Variants in ITPRID1 observed in about 807,000 individuals in gnomAD.
ITPRID1 encodes ITPR interacting domain containing 1.
A neutral mutation model predicts 95.4 loss-of-function variants in ITPRID1; 96 were observed. The observed-to-expected ratio is 1.01, with a 90% confidence interval of 0.85 to 1.19. ITPRID1 has a LOEUF of 1.19. Among genes scored for constraint, ITPRID1 ranks in the 50% most tolerant of loss-of-function variants. ITPRID1 has a pLI of 0.00. For synonymous variants in ITPRID1, 510 were observed against 453.6 expected (o/e 1.12, Z -1.58); for missense variants, 1,339 against 1,252.9 (o/e 1.07, Z -1.04).
rs1205943032 is a variant in ITPRID1 at position 31,650,960 on chromosome 7, A to G, written c.2584-182A>G. Among the ~76,000 whole-genome samples the G allele has an allele frequency of 2.0e-5, 3 of 152,124 alleles. No homozygotes were observed. The East Asian group carries it at 5.8e-4, about 29-fold the overall frequency. ...AGCTGCCCTTCTGTTGCAGATGAGC[A>G]CTGTCACTAGTTGTTTTGTGAACCC... On this transcript the variant is annotated intron_variant, in intron 12 of 14. Transcript: ENST00000615280.
intron 10 of ITPRID1, among the ~76,000 whole-genome samples, chr7:31,616,188 A>G (rs1787204108): frequency 7.3e-6 from 1 of 136,418 alleles, no homozygotes; most frequent in Non-Finnish European, 1.6e-5. Flanking sequence ...TGATTTGTTA[A>G]TATATTAATA....
At chr7:31,632,121 A>G (rs767767993) in intron 10 of ITPRID1, among the ~76,000 whole-genome samples, 2 of 152,196 alleles carry the variant, frequency 1.3e-5, no homozygotes, top group African/African-American at 4.8e-5. Flanking sequence ...TGCCATAGAC[A>G]ACACAGATCA....
chr7:31,643,012 C>T lies in ITPRID1; in HGVS notation c.1642C>T (p.His548Tyr), dbSNP rs768631132. The T allele has an allele frequency of 7.4e-6, 12 of 1,613,888 alleles. No individual in the cohort carries two copies. The African/African-American group carries it at 1.6e-4, about 22-fold the overall frequency. ...TCTGTGGCAGCTTCTGCCAATGCCC[C>T]ATGCTGAGTATGAGGTCACCAGACC... ...SHLWQLLPMP[H>Y]AEYEVTRPTA... Residue 548 changes from histidine (H) to tyrosine (Y), a missense_variant, in exon 12 of 15, where the codon CAT becomes TAT. Coordinates refer to ENST00000615280, the MANE Select transcript of ITPRID1 (RefSeq NM_001257967.3).
At chr7:31,517,191 G>C (rs2128125699) in intron 1 of ITPRID1, among the ~76,000 whole-genome samples, 1 of 152,258 alleles carries the variant, frequency 6.6e-6, no homozygotes, top group Admixed American at 6.5e-5. Context: ...ACATCCTCCT[G>C]ATTGGTCCAT....
intron 1 of ITPRID1, among the ~76,000 whole-genome samples, chr7:31,540,095 G>A (rs1783885698): frequency 6.6e-6 from 1 of 152,118 alleles, no homozygotes; most frequent in Non-Finnish European, 1.5e-5. Context: ...TAAAAAGGAC[G>A]AGCAGTGGTG....
chr7:31,605,835 G>A (rs1334485227), intron 10 of ITPRID1, among the ~76,000 whole-genome samples: 1 of 152,196 alleles, frequency 6.6e-6, no homozygotes, highest in Non-Finnish European at 1.5e-5. Context: ...CTCAGTGCCA[G>A]AGCAGCTGAG....
At chr7:31,534,488 C>T (rs551529782) in intron 1 of ITPRID1, among the ~76,000 whole-genome samples, 3 of 152,224 alleles carry the variant, frequency 2.0e-5, no homozygotes, top group Non-Finnish European at 2.9e-5. Context: ...CTTGATTTGA[C>T]CTTTTGTTAT....
At chr7:31,622,838 CA>C (rs2128181265) in intron 10 of ITPRID1, among the ~76,000 whole-genome samples, 1 of 151,998 alleles carries the variant, frequency 6.6e-6, no homozygotes, top group South Asian at 2.1e-4. Flanking sequence ...TTGAAATGAT[CA>C]ACAAAATTGA....
intron 10 of ITPRID1, among the ~76,000 whole-genome samples, chr7:31,631,154 T>C (rs1409777857): frequency 2.6e-5 from 4 of 152,120 alleles, no homozygotes; most frequent in Non-Finnish European, 5.9e-5. Context: ...AAAATAATAC[T>C]ACCTAAGCCT....
At chr7:31,548,689 G>C (rs1784181276) in intron 1 of ITPRID1, among the ~76,000 whole-genome samples, 1 of 152,134 alleles carries the variant, frequency 6.6e-6, no homozygotes, top group African/African-American at 2.4e-5. Context: ...GATTGCTCCT[G>C]TGGTCATCCA....
intron 10 of ITPRID1, among the ~76,000 whole-genome samples, chr7:31,627,298 A>T (rs1212663082): frequency 6.6e-6 from 1 of 152,212 alleles, no homozygotes; most frequent in Admixed American, 6.5e-5. Flanking sequence ...ATCAGTAAAA[A>T]GTAATATTGG....
chr7:31,639,610 C>T (rs111813640), intron 10 of ITPRID1, among the ~76,000 whole-genome samples: 6,599 of 149,012 alleles, frequency 0.044, 467 homozygotes, highest in African/African-American at 0.15. Flanking sequence ...AATCTCAGCT[C>T]ACTGAAAGCT....
chr7:31,652,804 A>G lies in ITPRID1; in HGVS notation c.3110A>G (p.Glu1037Gly). The G allele has an allele frequency of 4.3e-6, 7 of 1,613,302 alleles. No individual in the cohort carries two copies. The highest frequency in any genetic ancestry group is 5.9e-6 in the Non-Finnish European group (7 of 1,179,318). ...CCTTTGTCAAATTGTCCTGTTGGAG[A>G]AAAGGATGCAGATGTCTTCCTCTAG... Reference protein sequence around the residue: ...PTPLSNCPVGEKDADVFL With the variant: ...PTPLSNCPVGGKDADVFL The change falls in exon 15 of 15, where the codon GAA becomes GGA. Residue 1037 changes from glutamate to glycine, a missense_variant. Glu to Gly is a moderately conservative substitution (Grantham distance 98). Coordinates refer to ENST00000615280, the MANE Select transcript of ITPRID1 (RefSeq NM_001257967.3).
At chr7:31,606,249 C>T (rs1398958324) in intron 10 of ITPRID1, among the ~76,000 whole-genome samples, 2 of 151,764 alleles carry the variant, frequency 1.3e-5, no homozygotes, top group African/African-American at 4.8e-5. Context: ...ATTATGATTC[C>T]CTAGGGGTCC....
At chr7:31,520,115 C>CT (rs1226317878) in intron 1 of ITPRID1, among the ~76,000 whole-genome samples, 1 of 151,584 alleles carries the variant, frequency 6.6e-6, no homozygotes, top group East Asian at 1.9e-4. Context: ...ATACTGCAGA[C>CT]TTTTTTTTCA....
chr7:31,593,276 C>T (rs2128155597), intron 10 of ITPRID1, among the ~76,000 whole-genome samples: 1 of 152,178 alleles, frequency 6.6e-6, no homozygotes, highest in Admixed American at 6.5e-5. Flanking sequence ...TGCACTCCAG[C>T]CTGAGAGACA....
At chr7:31,539,174 GT>G (rs949199439) in intron 1 of ITPRID1, among the ~76,000 whole-genome samples, 2 of 152,020 alleles carry the variant, frequency 1.3e-5, no homozygotes, top group Admixed American at 6.6e-5. Context: ...GTGAACATAA[GT>G]TTTTTTGTTT....
At chr7:31,547,200 C>T (rs1378097040) in intron 1 of ITPRID1, among the ~76,000 whole-genome samples, 2 of 152,138 alleles carry the variant, frequency 1.3e-5, no homozygotes, top group African/African-American at 2.4e-5. Context: ...TGTGAAACTG[C>T]GAGTTCTGGC....
chr7:31,546,626 C>T lies in ITPRID1; in HGVS notation c.-97-2800C>T, dbSNP rs139937205. ...CATAACCAGATTGGCTTTGGTATTC[C>T]TCAATTCCTTGTTGGTATTCATTTA... is the stretch of plus-strand genomic sequence containing the variant. On this transcript the variant is annotated intron_variant, in intron 1 of 14. Transcript: ENST00000615280. Among the ~76,000 whole-genome samples, 254 of 152,222 alleles carry T rather than the reference C, an allele frequency of 1.7e-3. 1 individual carries two copies. The highest frequency in any genetic ancestry group is 5.9e-3 in the African/African-American group (247 of 41,542).
Sources: gnomAD v4.1 joint callset for allele counts (sites outside exome capture counted in the v4.1 genomes callset) on GRCh38, gnomAD v4.1.1 for gene constraint, MANE v1.5 for transcripts, NCBI Gene and HGNC (gene_info 2026-07-23, HGNC 2026-07-21) for gene names.